Variants in KDM2B observed in about 807,000 individuals in gnomAD.
KDM2B encodes lysine demethylase 2B.
KDM2B carries 26 observed loss-of-function variants against 150.0 expected under a neutral mutation model. The observed-to-expected ratio is 0.17, with a 90% CI of 0.13 to 0.24. KDM2B has a LOEUF of 0.24. KDM2B is among the 10% of genes least tolerant of loss of function. KDM2B has a pLI of 1.00. For synonymous variants in KDM2B, 734 were observed against 729.5 expected, an observed-to-expected ratio of 1.01 and a Z score of -0.10; for missense variants, 1,265 against 1,816.9, an observed-to-expected ratio of 0.70 and a Z score of 5.52.
chr12:121,569,033 G>C (rs1890907974), intron 4 of KDM2B, among the ~76,000 whole-genome samples: 1 of 152,174 alleles, frequency 6.6e-6, no homozygotes, highest in Admixed American at 6.5e-5. Context: ...GCAGTGCCCA[G>C]GGCAAGGTAA....
Position 121,521,086 on chromosome 12 carries a change from C to T in KDM2B, c.946G>A (p.Val316Ile), listed in dbSNP as rs1555305855. The T allele has an allele frequency of 1.9e-6, 3 of 1,613,366 alleles. No individual in the cohort carries two copies. The highest frequency in any genetic ancestry group is 2.5e-6 in the Non-Finnish European group (3 of 1,179,622). ...FFIPSGWIHAVYTPVDSLVFG... is the reference protein window; with the variant it reads ...FFIPSGWIHAIYTPVDSLVFG... Reference sequence around the variant, plus strand: ...ACCAAAGAGTCTACAGGGGTGTAGACGGCATGGATCCAACCTGGGGTGGGA... The same window carrying T: ...ACCAAAGAGTCTACAGGGGTGTAGATGGCATGGATCCAACCTGGGGTGGGA... The change falls in exon 9 of 23, where the codon GTC becomes ATC. Residue 316 changes from valine to isoleucine, a missense_variant. Coordinates refer to ENST00000377071, the MANE Select transcript of KDM2B (RefSeq NM_032590.5). This position sits in a 1 kb window ranked among gnomAD's most constrained non-coding sequence, Gnocchi z 4.9.
intron 11 of KDM2B, among the ~76,000 whole-genome samples, chr12:121,505,790 C>T (rs1555302829): frequency 6.6e-6 from 1 of 152,092 alleles, no homozygotes. Context: ...AAACACGAAT[C>T]CCTCAATGGC....
chr12:121,428,571 A>G (rs535563125), downstream of KDM2B, among the ~76,000 whole-genome samples: 11 of 152,226 alleles, frequency 7.2e-5, no homozygotes, highest in East Asian at 7.7e-4. Flanking sequence ...CAGGGGCAAC[A>G]TCGTACATTG....
rs1889313725 is a variant in KDM2B, at chr12:121,549,404, A to G, written c.576+56T>C. On this transcript the variant is annotated intron_variant, in intron 5 of 22. Coordinates refer to ENST00000377071, the MANE Select transcript of KDM2B (RefSeq NM_032590.5). This position sits in a 1 kb window ranked among gnomAD's most constrained non-coding sequence, Gnocchi z 4.4. ...GGCACAACCCAGGTGGCAGGGGGACAGGGAAGGAGATGAGGTGGAAGGTAT... is the reference window on the plus strand; with the variant it reads ...GGCACAACCCAGGTGGCAGGGGGACGGGGAAGGAGATGAGGTGGAAGGTAT... 4 of 1,475,104 alleles carry G rather than the reference A, an allele frequency of 2.7e-6. No individual in the cohort carries two copies. Among genetic ancestry groups the G allele is most frequent in the Non-Finnish European group, 3.7e-6 (4 of 1,088,128 alleles). 91.4% of individuals were successfully genotyped at this position (1,475,104 alleles called of 1,614,324 possible). A position where few individuals can be genotyped will look rare whatever the true frequency, so the allele number is the denominator to read the frequency against.
chr12:121,418,236 G>A, the KDM2B span: 2 of 261,754 alleles, frequency 7.6e-6, no homozygotes, highest in South Asian at 1.5e-4. Context: ...CACATTTGTA[G>A]TGTTATGTGT....
At chr12:121,543,002 C>G (rs181226229) in intron 6 of KDM2B, among the ~76,000 whole-genome samples, 3 of 152,154 alleles carry the variant, frequency 2.0e-5, no homozygotes, top group Admixed American at 6.6e-5. Flanking sequence ...GTGCAACTAC[C>G]CCCACTCCAC....
At chr12:121,522,245 G>C (rs148114617) in intron 8 of KDM2B, among the ~76,000 whole-genome samples, 9 of 152,298 alleles carry the variant, frequency 5.9e-5, no homozygotes, top group Non-Finnish European at 1.3e-4. Flanking sequence ...GCCGGGCATG[G>C]TGGCTCACGC....
chr12:121,447,104 T>C (rs1566274306), intron 13 of KDM2B, among the ~76,000 whole-genome samples: 1 of 152,170 alleles, frequency 6.6e-6, no homozygotes, highest in Non-Finnish European at 1.5e-5. Context: ...GTATCCACAG[T>C]TATCAAAAAG....
chr12:121,467,410 G>T lies in KDM2B; in HGVS notation c.1735-14066C>A. On this transcript the variant is annotated intron_variant, in intron 12 of 22. Coordinates refer to ENST00000377071, the MANE Select transcript of KDM2B (RefSeq NM_032590.5). The surrounding 1 kb of genome is among the most constrained non-coding windows in gnomAD (Gnocchi z 5.1). ...GGCGGGGAGGGGCCGGCGGGGGAGGGCCGGGGCGCCATGCATATGCATGAG... is the reference window on the plus strand; with the variant it reads ...GGCGGGGAGGGGCCGGCGGGGGAGGTCCGGGGCGCCATGCATATGCATGAG... 2.2e-6 allele frequency: 2 copies of T among 929,844 alleles called. No individual in the cohort carries two copies. The highest frequency in any genetic ancestry group is 2.6e-6 in the Non-Finnish European group (2 of 781,836). The allele number at this position is 929,844 out of a possible 1,614,324, so 57.6% of individuals were successfully genotyped here. A position where few individuals can be genotyped will look rare whatever the true frequency, so the allele number is the denominator to read the frequency against.
the KDM2B span, among the ~76,000 whole-genome samples, chr12:121,412,162 A>G: frequency 7.1e-6 from 1 of 140,784 alleles, no homozygotes; most frequent in Non-Finnish European, 1.5e-5. Flanking sequence ...CCTGGGTTCA[A>G]GCGATTCTCC....
intron 13 of KDM2B, among the ~76,000 whole-genome samples, chr12:121,448,225 T>C (rs1593776527): frequency 7.5e-6 from 1 of 133,018 alleles, no homozygotes; most frequent in Non-Finnish European, 1.5e-5. Context: ...GAGACTGAGG[T>C]GGGAGGACTG....
Position 121,466,292 on chromosome 12 carries a change from C to T in KDM2B, c.1735-12948G>A, listed in dbSNP as rs11065586. Reference sequence around the variant, plus strand: ...TAATTCCTCGGACAGGTCTACCTGGCCTGCGTCCTGTTCCAAGTATTATTT... The same window carrying T: ...TAATTCCTCGGACAGGTCTACCTGGTCTGCGTCCTGTTCCAAGTATTATTT... On this transcript the variant is annotated intron_variant, in intron 12 of 22. Coordinates refer to ENST00000377071, the MANE Select transcript of KDM2B (RefSeq NM_032590.5). Among the ~76,000 whole-genome samples, 280 of 152,304 alleles carry T rather than the reference C, an allele frequency of 1.8e-3. 1 individual carries two copies. Among genetic ancestry groups the T allele is most frequent in the South Asian group, 0.015 (71 of 4,820 alleles).
rs782159163 is a variant in KDM2B at position 121,442,420 on chromosome 12, C to G, written c.3021G>C (p.Glu1007Asp). ...GGCTGGGCCCCAGCTGGTGCCGCAG[C>G]TCCCGGGGGGTGCCGTTGAGCCCCT... ...FSKGLNGTPR[E>D]LRHQLGPSLR... The change falls in exon 19 of 23, where the codon GAG becomes GAC. Residue 1007 changes from glutamate to aspartate, a missense_variant. Physicochemically the swap from Glu to Asp is conservative, Grantham distance 45. Around this residue, in one of 11 missense-constraint regions of KDM2B, gnomAD observed 418 missense variants for 402.4 expected, o/e 1.04. Coordinates refer to ENST00000377071, the MANE Select transcript of KDM2B (RefSeq NM_032590.5). This position sits in a 1 kb window ranked among gnomAD's most constrained non-coding sequence, Gnocchi z 7.7. 1.3e-6 allele frequency: 2 copies of G among 1,598,642 alleles called. No homozygotes were observed. Among genetic ancestry groups the G allele is most frequent in the Non-Finnish European group, 8.5e-7 (1 of 1,177,492 alleles).
At chr12:121,563,285 C>T (rs782601408) in intron 4 of KDM2B, among the ~76,000 whole-genome samples, 25 of 151,584 alleles carry the variant, frequency 1.6e-4, no homozygotes, top group Non-Finnish European at 2.2e-4. Context: ...ACTGCCTGGG[C>T]GACAGAGTGA....
intron 13 of KDM2B, among the ~76,000 whole-genome samples, chr12:121,449,848 G>A (rs1398452585): frequency 3.9e-5 from 6 of 152,096 alleles, no homozygotes; most frequent in African/African-American, 1.2e-4. Context: ...CCTGGGGTTC[G>A]GGTACCAATT....
chr12:121,582,110 G>A (rs978628074), upstream of KDM2B, among the ~76,000 whole-genome samples: 8 of 152,242 alleles, frequency 5.3e-5, no homozygotes, highest in Middle Eastern at 3.4e-3. Context: ...CCTTCAGTCC[G>A]TCCAGAACCA....
intron 11 of KDM2B, among the ~76,000 whole-genome samples, chr12:121,498,324 G>A (rs962371226): frequency 1.3e-5 from 2 of 151,988 alleles, no homozygotes; most frequent in Non-Finnish European, 2.9e-5. Context: ...AGATGTAACC[G>A]GACTGGAACA....
chr12:121,568,081 G>A (rs1890837062), intron 4 of KDM2B, among the ~76,000 whole-genome samples: 1 of 152,026 alleles, frequency 6.6e-6, no homozygotes, highest in Admixed American at 6.6e-5. Context: ...TCTTACGGCA[G>A]CCCAAGCAAA....
intron 12 of KDM2B, among the ~76,000 whole-genome samples, chr12:121,476,055 G>A (rs1881334245): frequency 6.6e-6 from 1 of 152,018 alleles, no homozygotes; most frequent in Non-Finnish European, 1.5e-5. Context: ...AGCACTTTGG[G>A]AGGCCAAGGC....
Sources: allele counts gnomAD v4.1 joint callset (sites outside exome capture counted in the v4.1 genomes callset), GRCh38; gene constraint gnomAD v4.1.1; regional missense constraint gnomAD v4.1.1; non-coding constraint Gnocchi (gnomAD v3.1); transcripts MANE v1.5; gene names NCBI Gene and HGNC (gene_info 2026-07-23, HGNC 2026-07-21).